CSMD3: variants seen among roughly 807,000 people sequenced by gnomAD.
The protein encoded by CSMD3 is CUB and Sushi multiple domains 3.
In CSMD3, 177 loss-of-function variants were observed where a neutral mutation model predicts 435.2. The observed-to-expected ratio is 0.41, with a 90% CI of 0.36 to 0.46. CSMD3 has a LOEUF of 0.46. Among genes scored for constraint, CSMD3 ranks in the 20% least tolerant of loss-of-function variants. CSMD3 has a pLI of 0.34. For missense variants in CSMD3, 4,265 were observed against 4,504.6 expected, an observed-to-expected ratio of 0.95 and a Z score of 1.52; for synonymous variants, 1,656 against 1,520.5, an observed-to-expected ratio of 1.09 and a Z score of -2.07.
At chr8:112,485,715 T>G (rs896364387) in intron 31 of CSMD3, among the ~76,000 whole-genome samples, 3 of 152,182 alleles carry the variant, frequency 2.0e-5, no homozygotes, top group Non-Finnish European at 4.4e-5. Context: ...GTTGGAAAGC[T>G]GTAATTATAA....
At chr8:113,072,066 A>T (rs1269629318) in intron 5 of CSMD3, among the ~76,000 whole-genome samples, 1 of 151,660 alleles carries the variant, frequency 6.6e-6, no homozygotes, top group Non-Finnish European at 1.5e-5. Flanking sequence ...TTTTATTGCT[A>T]TTGTAAAGGA....
chr8:112,594,067 C>T (rs4443688), intron 22 of CSMD3, among the ~76,000 whole-genome samples: 86,992 of 152,032 alleles, frequency 0.57, 25,409 homozygotes, highest in African/African-American at 0.68. Flanking sequence ...GTGTGAGCGA[C>T]GCAGAACACG....
rs1310689346 is a variant in CSMD3, at chr8:113,253,295, T to C, written c.514+25297A>G. On this transcript the variant is annotated intron_variant, in intron 3 of 70. Coordinates refer to ENST00000297405, the MANE Select transcript of CSMD3 (RefSeq NM_198123.2). ...GCACAATGTGCAGGTTTGTTACATA[T>C]GCATACATGTGCCATGTTGGTGTGC... Among the ~76,000 whole-genome samples the C allele has an allele frequency of 2.0e-5, 3 of 152,052 alleles. No individual in the cohort carries two copies. In the East Asian group the frequency reaches 5.8e-4, roughly 30 times the overall value.
intron 41 of CSMD3, among the ~76,000 whole-genome samples, chr8:112,345,523 A>C (rs540100620): frequency 1.3e-5 from 2 of 152,114 alleles, no homozygotes; most frequent in African/African-American, 4.8e-5. Flanking sequence ...TCACATGTGG[A>C]ATCTGAAAAA....
intron 38 of CSMD3, among the ~76,000 whole-genome samples, chr8:112,367,566 A>T (rs4876282): frequency 0.39 from 59,903 of 151,926 alleles, 13,292 homozygotes; most frequent in Middle Eastern, 0.53. Context: ...AATTGGCCAT[A>T]AAGCTTTTCA....
intron 6 of CSMD3, among the ~76,000 whole-genome samples, chr8:113,018,224 T>C (rs1273148133): frequency 6.6e-6 from 1 of 152,068 alleles, no homozygotes; most frequent in Admixed American, 6.6e-5. Context: ...AAATACAAAT[T>C]AATTGTTGAA....
intron 22 of CSMD3, among the ~76,000 whole-genome samples, chr8:112,615,881 ACCGAAAGGC>A (rs957293305): frequency 2.0e-5 from 3 of 152,142 alleles, no homozygotes; most frequent in African/African-American, 7.2e-5. Context: ...TCATGTTTTC[ACCGAAAGGC>A]TCCAACAACT....
At chr8:112,712,924 T>C (rs2076641936) in intron 13 of CSMD3, among the ~76,000 whole-genome samples, 1 of 152,130 alleles carries the variant, frequency 6.6e-6, no homozygotes, top group South Asian at 2.1e-4. Context: ...TATTAGTCTG[T>C]CCTTAAAAAT....
chr8:113,003,232 C>T (rs1012326990), intron 6 of CSMD3, among the ~76,000 whole-genome samples: 2 of 151,462 alleles, frequency 1.3e-5, no homozygotes, highest in Non-Finnish European at 1.5e-5. Context: ...GCAACCAGAG[C>T]AAAATTCTGT....
chr8:112,524,275 C>T (rs541151367), intron 27 of CSMD3, among the ~76,000 whole-genome samples: 96 of 150,384 alleles, frequency 6.4e-4, no homozygotes, highest in Admixed American at 7.9e-4. Context: ...CCAAAGATTA[C>T]AGAAAATATG....
chr8:112,451,369 A>G (rs1816245609), intron 32 of CSMD3, among the ~76,000 whole-genome samples: 1 of 152,262 alleles, frequency 6.6e-6, no homozygotes, highest in African/African-American at 2.4e-5. Flanking sequence ...GAAACATGAA[A>G]TGAAAAAAAA....
At chr8:112,806,867 A>G (rs1193047432) in intron 12 of CSMD3, among the ~76,000 whole-genome samples, 1 of 152,170 alleles carries the variant, frequency 6.6e-6, no homozygotes, top group African/African-American at 2.4e-5. Context: ...TGCTCTCATA[A>G]TGTGTAACCA....
chr8:113,300,894 T>A (rs936153708), intron 2 of CSMD3, among the ~76,000 whole-genome samples: 2 of 151,902 alleles, frequency 1.3e-5, no homozygotes, highest in Non-Finnish European at 2.9e-5. Context: ...TACAATTGAG[T>A]TAAAATGAGT....
intron 5 of CSMD3, among the ~76,000 whole-genome samples, chr8:113,030,573 A>C (rs774054558): frequency 2.0e-5 from 3 of 151,202 alleles, no homozygotes; most frequent in Non-Finnish European, 4.4e-5. Flanking sequence ...AACACTTAGA[A>C]AAACATATCA....
intron 3 of CSMD3, among the ~76,000 whole-genome samples, chr8:113,258,160 A>G (rs1011048809): frequency 6.6e-6 from 1 of 152,228 alleles, no homozygotes; most frequent in South Asian, 2.1e-4. Context: ...CTACCAAAAT[A>G]ACTATTAAAG....
chr8:113,387,027 C>T (rs1023467401), intron 1 of CSMD3, among the ~76,000 whole-genome samples: 1 of 151,690 alleles, frequency 6.6e-6, no homozygotes, highest in African/African-American at 2.4e-5. Context: ...GCAAGAAAGC[C>T]AAGGAACATT....
chr8:112,410,638 G>GTA (rs1405406537), intron 32 of CSMD3, among the ~76,000 whole-genome samples: 11 of 50,244 alleles, frequency 2.2e-4, no homozygotes, highest in East Asian at 1.1e-3. Context: ...GTATATATAT[G>GTA]TATATATATA....
intron 2 of CSMD3, among the ~76,000 whole-genome samples, chr8:113,296,545 A>C (rs2093723440): frequency 6.6e-6 from 1 of 152,016 alleles, no homozygotes; most frequent in Non-Finnish European, 1.5e-5. Context: ...AACCAAACAA[A>C]CAAACAAAAC....
chr8:112,387,702 C>CCTCAGTCCTT (rs1226334624), intron 36 of CSMD3, among the ~76,000 whole-genome samples: 1 of 152,084 alleles, frequency 6.6e-6, no homozygotes, highest in Non-Finnish European at 1.5e-5. Flanking sequence ...CAAAGTCCTT[C>CCTCAGTCCTT]CTCAGTGAAA....
Sources: gnomAD v4.1 joint callset for allele counts (sites outside exome capture counted in the v4.1 genomes callset) on GRCh38, gnomAD v4.1.1 for gene constraint, MANE v1.5 for transcripts, NCBI Gene and HGNC (gene_info 2026-07-23, HGNC 2026-07-21) for gene names.